Variants in SLC7A1 observed in about 807,000 individuals in gnomAD.
SLC7A1 encodes the protein high affinity cationic amino acid transporter 1.
Under a neutral mutation model 53.9 loss-of-function variants are expected in SLC7A1, and 10 were observed. The observed-to-expected ratio is 0.19, with a 90% CI of 0.11 to 0.31. SLC7A1 has a LOEUF of 0.31. Among genes scored for constraint, SLC7A1 ranks in the 10% least tolerant of loss-of-function variants. The pLI is 1.00. For missense variants in SLC7A1, 525 were observed against 827.2 expected, an observed-to-expected ratio of 0.63 and a Z score of 4.48; for synonymous variants, 342 against 338.7, an observed-to-expected ratio of 1.01 and a Z score of -0.11.
chr13:29,535,370 C>A (rs768177250), intron 3 of SLC7A1, among the ~76,000 whole-genome samples: 6 of 152,154 alleles, frequency 3.9e-5, no homozygotes, highest in Non-Finnish European at 8.8e-5. Context: ...TAGAAAAATA[C>A]ACATTTAAAT....
chr13:29,514,955 G>GGTGCTGGGGGTTTCCCA, intron 12 of SLC7A1, among the ~76,000 whole-genome samples: 1 of 152,276 alleles, frequency 6.6e-6, no homozygotes, highest in South Asian at 2.1e-4. Context: ...GGGGTTTCCC[G>GGTGCTGGGGGTTTCCCA]CAGGTGCTGG....
chr13:29,555,789 T>C (rs1870414945), intron 1 of SLC7A1, among the ~76,000 whole-genome samples: 3 of 152,312 alleles, frequency 2.0e-5, no homozygotes, highest in Non-Finnish European at 1.5e-5. Context: ...CACCAAGATG[T>C]GGACAGCTCC....
In SLC7A1 at chr13:29,510,398, A is replaced by T. The variant is rs2490264; in HGVS notation, c.*4082T>A. Reference sequence around the variant, plus strand: ...CTTCTTGCACCACTGGATCAACAGTAATCAATTTCATGACTCGGATAAGGT... The same window carrying T: ...CTTCTTGCACCACTGGATCAACAGTTATCAATTTCATGACTCGGATAAGGT... On this transcript the variant is annotated 3_prime_UTR_variant, in exon 13 of 13. Transcript: ENST00000380752. The T allele has an allele frequency of 6.6e-6, 1 of 152,586 alleles. No homozygotes were observed. Among genetic ancestry groups the T allele is most frequent in the Non-Finnish European group, 1.5e-5 (1 of 68,062 alleles). 9.5% of individuals were successfully genotyped at this position (152,586 alleles called of 1,614,324 possible). A position where few individuals can be genotyped will look rare whatever the true frequency, so the allele number is the denominator to read the frequency against.
chr13:29,580,758 T>TGAACAGTGTTAA (rs111893196), intron 1 of SLC7A1, among the ~76,000 whole-genome samples: 111,605 of 151,850 alleles, frequency 0.73, 42,521 homozygotes, highest in Non-Finnish European at 0.85. Flanking sequence ...TTCTAGAGAC[T>TGAACAGTGTTAA]GAAGGTGATT....
At chr13:29,540,750 C>T (rs1388320444) in intron 2 of SLC7A1, among the ~76,000 whole-genome samples, 5 of 152,202 alleles carry the variant, frequency 3.3e-5, no homozygotes, top group East Asian at 1.9e-4. Context: ...AGGCCCCAGT[C>T]GACCCCTTTC....
intron 1 of SLC7A1, among the ~76,000 whole-genome samples, chr13:29,570,001 C>T (rs1871129524): frequency 6.6e-6 from 1 of 152,192 alleles, no homozygotes; most frequent in African/African-American, 2.4e-5. Context: ...AAAAACAGAA[C>T]CAGAAACAAA....
At chr13:29,560,915 C>T (rs576173085) in intron 1 of SLC7A1, among the ~76,000 whole-genome samples, 18 of 152,258 alleles carry the variant, frequency 1.2e-4, no homozygotes, top group African/African-American at 4.1e-4. Flanking sequence ...CAAAAGGAGT[C>T]AGGTCTTTCC....
chr13:29,521,061 T>C (rs1314597797), intron 8 of SLC7A1, among the ~76,000 whole-genome samples: 1 of 152,234 alleles, frequency 6.6e-6, no homozygotes, highest in African/African-American at 2.4e-5. Flanking sequence ...AAATTCCACG[T>C]AAAGCCTGAG....
At chr13:29,544,415 A>T (rs965960898) in intron 2 of SLC7A1, among the ~76,000 whole-genome samples, 9 of 152,222 alleles carry the variant, frequency 5.9e-5, no homozygotes, top group Non-Finnish European at 1.2e-4. Flanking sequence ...ATAACTAAAA[A>T]CACCTAACAT....
rs550628940 is a variant in SLC7A1, at chr13:29,574,732, C to T, written c.-115+20684G>A. On this transcript the variant is annotated intron_variant, in intron 1 of 12. Transcript: ENST00000380752. The stretch of plus-strand genomic sequence containing the variant: ...CGATCTCGGCTCACTGCAAGCTCCG[C>T]CTCCTGGGTTCACGCCATTCCCCTG... Among the ~76,000 whole-genome samples, 147 of 151,296 alleles carry T rather than the reference C, an allele frequency of 9.7e-4. 1 individual carries two copies. The highest frequency in any genetic ancestry group is 8.2e-4 in the Non-Finnish European group (56 of 67,884).
intron 1 of SLC7A1, among the ~76,000 whole-genome samples, chr13:29,579,351 C>A (rs1593581701): frequency 6.7e-6 from 1 of 148,440 alleles, no homozygotes; most frequent in Non-Finnish European, 1.5e-5. Context: ...AATGGATAAG[C>A]ATCCACTAGC....
intron 1 of SLC7A1, among the ~76,000 whole-genome samples, chr13:29,572,902 A>G (rs780614283): frequency 2.0e-5 from 3 of 152,182 alleles, no homozygotes; most frequent in Non-Finnish European, 4.4e-5. Flanking sequence ...GCACAATTTG[A>G]TGGAGGAAAA....
At chr13:29,586,152 A>G (rs1871875718) in intron 1 of SLC7A1, among the ~76,000 whole-genome samples, 1 of 152,252 alleles carries the variant, frequency 6.6e-6, no homozygotes, top group African/African-American at 2.4e-5. Flanking sequence ...ACCCATTCAC[A>G]GTATAATTTG....
rs3011624 is a variant in SLC7A1, at chr13:29,513,009, A to G, written c.*1471T>C. 0.97 allele frequency: 148,167 copies of G among 152,424 alleles called. 72,057 individuals carry two copies. The highest frequency in any genetic ancestry group is 0.99 in the Middle Eastern group (289 of 292). 9.4% of individuals were successfully genotyped at this position (152,424 alleles called of 1,614,324 possible). A position where few individuals can be genotyped will look rare whatever the true frequency, so the allele number is the denominator to read the frequency against. On this transcript the variant is annotated 3_prime_UTR_variant, in exon 13 of 13. Coordinates refer to ENST00000380752, the MANE Select transcript of SLC7A1 (RefSeq NM_003045.5). ...TTCCCCTGGTGTCCAAAATGCCCAC[A>G]TCCCTCCTCCTCCCCCATCAGCATG...
At chr13:29,589,571 G>C (rs1213884144) in intron 1 of SLC7A1, among the ~76,000 whole-genome samples, 1 of 152,200 alleles carries the variant, frequency 6.6e-6, no homozygotes, top group Non-Finnish European at 1.5e-5. Context: ...GGAGGGGGAA[G>C]ACCCACTTTC....
intron 2 of SLC7A1, among the ~76,000 whole-genome samples, chr13:29,539,398 C>A (rs118073669): frequency 3.3e-5 from 5 of 152,140 alleles, no homozygotes; most frequent in African/African-American, 9.7e-5. Flanking sequence ...CACACATGCA[C>A]GTATGTCACC....
intron 1 of SLC7A1, among the ~76,000 whole-genome samples, chr13:29,561,768 G>A (rs1219511900): frequency 5.9e-5 from 9 of 152,232 alleles, no homozygotes; most frequent in Admixed American, 2.6e-4. Context: ...TGAGGCTCTC[G>A]AGGTCTGAGG....
intron 1 of SLC7A1, among the ~76,000 whole-genome samples, chr13:29,576,162 T>A (rs1593579709): frequency 6.6e-6 from 1 of 151,092 alleles, no homozygotes; most frequent in South Asian, 2.1e-4. Flanking sequence ...TGTGGTGGAG[T>A]GCACCTGTAG....
intron 12 of SLC7A1, 141 bp from the exon 13 acceptor site, chr13:29,514,724 C>G (rs1883504442): frequency 1.6e-6 from 1 of 621,780 alleles, no homozygotes; most frequent in Non-Finnish European, 2.8e-6. Flanking sequence ...GCCAGCGGCC[C>G]CTGTGACCTT....
Sources: gnomAD v4.1 joint callset for allele counts (sites outside exome capture counted in the v4.1 genomes callset) on GRCh38, gnomAD v4.1.1 for gene constraint, MANE v1.5 for transcripts, NCBI Gene and HGNC (gene_info 2026-07-23, HGNC 2026-07-21) for gene names.